The following MTUS2 variants were observed in gnomAD, a reference collection of about 807,000 sequenced individuals.
MTUS2 encodes microtubule-associated tumor suppressor candidate 2.
Under a neutral mutation model 114.1 loss-of-function variants are expected in MTUS2, and 40 were observed. That is an observed-to-expected ratio of 0.35 (90% CI 0.27 to 0.46). The LOEUF (loss-of-function observed/expected upper bound fraction) is 0.46. Ranked by LOEUF, MTUS2 falls within the 20% of genes least tolerant of loss-of-function variation. MTUS2 has a pLI of 1.00. For synonymous variants in MTUS2, 688 were observed against 672.0 expected, an observed-to-expected ratio of 1.02 and a Z score of -0.37; for missense variants, 1,679 against 1,705.4, an observed-to-expected ratio of 0.98 and a Z score of 0.27.
chr13:28,969,295 A>G (rs549284214), intron 2 of MTUS2, among the ~76,000 whole-genome samples: 1 of 152,264 alleles, frequency 6.6e-6, no homozygotes, highest in Admixed American at 6.5e-5. Context: ...GAATAATTAT[A>G]TATATTCATG....
intron 5 of MTUS2, among the ~76,000 whole-genome samples, chr13:29,138,640 AC>A (rs1892085789): frequency 6.6e-6 from 1 of 151,578 alleles, no homozygotes; most frequent in African/African-American, 2.4e-5. Flanking sequence ...AATGTTCTAA[AC>A]TATAGCGATG....
At chr13:29,411,141 A>G (rs897718482) in intron 8 of MTUS2, among the ~76,000 whole-genome samples, 3 of 152,142 alleles carry the variant, frequency 2.0e-5, no homozygotes, top group African/African-American at 7.2e-5. Flanking sequence ...CCAACCCCAC[A>G]CTATTGTTAA....
At chr13:29,149,001 A>G (rs1398098417) in intron 5 of MTUS2, among the ~76,000 whole-genome samples, 2 of 152,138 alleles carry the variant, frequency 1.3e-5, no homozygotes, top group Non-Finnish European at 2.9e-5. Context: ...ATATGTGTGC[A>G]TGTATTTTTA....
At chr13:29,322,997 C>T (rs1432589864) in intron 6 of MTUS2, among the ~76,000 whole-genome samples, 1 of 152,190 alleles carries the variant, frequency 6.6e-6, no homozygotes, top group African/African-American at 2.4e-5. Flanking sequence ...GAGCTGTTCT[C>T]AGACACTGTT....
intron 5 of MTUS2, among the ~76,000 whole-genome samples, chr13:29,192,914 G>T (rs1346907366): frequency 6.6e-6 from 1 of 152,140 alleles, no homozygotes; most frequent in Non-Finnish European, 1.5e-5. Flanking sequence ...ATGAAAAGCA[G>T]GGATGGTAAA....
At chr13:28,914,037 A>AT (rs1178394838) in intron 2 of MTUS2, among the ~76,000 whole-genome samples, 18 of 150,588 alleles carry the variant, frequency 1.2e-4, no homozygotes, top group Admixed American at 1.1e-3. Context: ...TATTTTATTA[A>AT]TTTTTTCAAA....
At chr13:28,993,815 T>G (rs1009435296) in intron 2 of MTUS2, among the ~76,000 whole-genome samples, 4 of 151,842 alleles carry the variant, frequency 2.6e-5, no homozygotes, top group Non-Finnish European at 5.9e-5. Flanking sequence ...CTTGGTTGAT[T>G]TTCTTTGTAG....
chr13:29,233,195 T>A (rs570778511), intron 5 of MTUS2, among the ~76,000 whole-genome samples: 59 of 151,104 alleles, frequency 3.9e-4, no homozygotes, highest in African/African-American at 1.4e-3. Flanking sequence ...GATTGCTTAG[T>A]GCTATTTATT....
At chr13:29,007,226 C>A (rs931878680) in intron 2 of MTUS2, among the ~76,000 whole-genome samples, 5 of 151,908 alleles carry the variant, frequency 3.3e-5, no homozygotes, top group African/African-American at 1.2e-4. Context: ...CATAAGAAAA[C>A]AGTTGTTTTA....
At chr13:28,911,351 A>G (rs1431444657) in intron 2 of MTUS2, among the ~76,000 whole-genome samples, 1 of 146,668 alleles carries the variant, frequency 6.8e-6, no homozygotes, top group African/African-American at 2.5e-5. Context: ...AATTTTTTGT[A>G]TTTTAGTAGA....
intron 5 of MTUS2, among the ~76,000 whole-genome samples, chr13:29,120,870 T>A (rs1198566403): frequency 6.6e-6 from 1 of 152,234 alleles, no homozygotes; most frequent in Non-Finnish European, 1.5e-5. Flanking sequence ...GAAGGTTGTA[T>A]AAAATCATTG....
At chr13:29,034,176 A>G in intron 4 of MTUS2, 51 bp downstream of exon 4, 1 of 1,606,978 alleles carries the variant, frequency 6.2e-7, no homozygotes, top group South Asian at 1.1e-5. Context: ...TTAGATAGTC[A>G]TCATGTAAGA....
At chr13:29,438,800 T>C (rs1479290913) in intron 8 of MTUS2, among the ~76,000 whole-genome samples, 1 of 152,218 alleles carries the variant, frequency 6.6e-6, no homozygotes, top group South Asian at 2.1e-4. Flanking sequence ...CAGTGTATTA[T>C]GAAATAGAGT....
chr13:29,138,168 T>TGGGACTG (rs1001985607), intron 5 of MTUS2, among the ~76,000 whole-genome samples: 10 of 152,104 alleles, frequency 6.6e-5, no homozygotes, highest in African/African-American at 1.4e-4. Flanking sequence ...CTGCCTGCTG[T>TGGGACTG]GGGACTGGGG....
At chr13:28,930,744 G>A (rs1295944472) in intron 2 of MTUS2, among the ~76,000 whole-genome samples, 1 of 152,132 alleles carries the variant, frequency 6.6e-6, no homozygotes, top group African/African-American at 2.4e-5. Flanking sequence ...AGTAGAATTT[G>A]GAACATTTTT....
intron 5 of MTUS2, among the ~76,000 whole-genome samples, chr13:29,232,307 C>T (rs942262206): frequency 2.8e-5 from 1 of 35,358 alleles, no homozygotes; most frequent in Non-Finnish European, 5.2e-5. Context: ...CGCGCGCGCG[C>T]ACACACACAC....
intron 4 of MTUS2, among the ~76,000 whole-genome samples, chr13:29,034,921 T>C (rs1307563991): frequency 6.6e-6 from 1 of 152,178 alleles, no homozygotes; most frequent in African/African-American, 2.4e-5. Context: ...ATGTGACAAA[T>C]GTTCACAGTT....
chr13:28,823,785 T>C (rs1411640522), intron 1 of MTUS2, among the ~76,000 whole-genome samples: 1 of 152,104 alleles, frequency 6.6e-6, no homozygotes, highest in Admixed American at 6.5e-5. Context: ...TTTAATTGAC[T>C]CATATAGTTC....
At chr13:28,901,886 A>C (rs996688875) in intron 2 of MTUS2, among the ~76,000 whole-genome samples, 2 of 152,228 alleles carry the variant, frequency 1.3e-5, no homozygotes, top group African/African-American at 4.8e-5. Flanking sequence ...GCAAACAAAC[A>C]AAAACCTTGA....
Sources: allele counts gnomAD v4.1 joint callset (sites outside exome capture counted in the v4.1 genomes callset), GRCh38; gene constraint gnomAD v4.1.1; transcripts MANE v1.5; gene names NCBI Gene and HGNC (gene_info 2026-07-23, HGNC 2026-07-21).